Variants in AUTS2 observed in about 807,000 individuals in gnomAD.
AUTS2 encodes activator of transcription and developmental regulator AUTS2.
A neutral mutation model predicts 112.4 loss-of-function variants in AUTS2; 17 were observed. That is an observed-to-expected ratio of 0.15 (90% CI 0.10 to 0.23). AUTS2 has a LOEUF of 0.23. Ranked by LOEUF, AUTS2 falls within the 10% of genes least tolerant of loss-of-function variation. The pLI, the probability that AUTS2 is intolerant of heterozygous loss-of-function variation, is 1.00. For missense variants in AUTS2, 1,510 were observed against 1,701.6 expected (o/e 0.89, Z 1.98); for synonymous variants, 751 against 702.7 (o/e 1.07, Z -1.09).
At chr7:69,870,182 G>T (rs1287419866) in intron 1 of AUTS2, among the ~76,000 whole-genome samples, 1 of 151,762 alleles carries the variant, frequency 6.6e-6, no homozygotes, top group Non-Finnish European at 1.5e-5. Context: ...TTGATATTTG[G>T]TCCCTGCCTT....
intron 5 of AUTS2, among the ~76,000 whole-genome samples, chr7:70,695,586 GCCCCC>G (rs1285088051): frequency 2.0e-5 from 3 of 152,238 alleles, no homozygotes; most frequent in Non-Finnish European, 2.9e-5. Flanking sequence ...GCGGAGGGCG[GCCCCC>G]GGGGTCTGCG....
rs1223187796 is a variant in AUTS2 at position 69,603,687 on chromosome 7, G to A, written c.309+3725G>A. The stretch of plus-strand genomic sequence containing the variant: ...TTGAACATGGTGTTCTTTTCATTAT[G>A]CAGTTGAGAAGCAGAATTAACGTTG... On this transcript the variant is annotated intron_variant, in intron 1 of 18. Transcript: ENST00000342771. Among the ~76,000 whole-genome samples, 5 of 152,216 alleles carry A rather than the reference G, an allele frequency of 3.3e-5. No homozygotes were observed. In the South Asian group the frequency reaches 1.0e-3, roughly 31 times the overall value.
chr7:70,193,506 CGTAAA>C (rs760106166), intron 4 of AUTS2, among the ~76,000 whole-genome samples: 3 of 152,158 alleles, frequency 2.0e-5, no homozygotes, highest in Non-Finnish European at 4.4e-5. Flanking sequence ...GGTTTAGAGA[CGTAAA>C]GTAAAGTAAC....
rs575983568 is a variant in AUTS2 at position 70,792,220 on chromosome 7, C to T, written c.*1224C>T. The T allele has an allele frequency of 7.2e-5, 11 of 152,390 alleles. No individual in the cohort carries two copies. The highest frequency in any genetic ancestry group is 3.4e-3 in the Middle Eastern group (1 of 294). The allele number at this position is 152,390 out of a possible 1,614,324, so 9.4% of individuals were successfully genotyped here. A position where few individuals can be genotyped will look rare whatever the true frequency, so the allele number is the denominator to read the frequency against. On this transcript the variant is annotated 3_prime_UTR_variant, in exon 19 of 19. Transcript: ENST00000342771. Reference sequence around the variant, plus strand: ...ACAGGTCAACCTTGTGGAGCCATCGCGAGTTAGAGGGTGAAAGATGGCAGA... The same window carrying T: ...ACAGGTCAACCTTGTGGAGCCATCGTGAGTTAGAGGGTGAAAGATGGCAGA...
intron 1 of AUTS2, among the ~76,000 whole-genome samples, chr7:69,689,867 T>TC (rs1209103979): frequency 6.7e-6 from 1 of 149,196 alleles, no homozygotes; most frequent in African/African-American, 2.5e-5. Flanking sequence ...TTTTTTTTTT[T>TC]CAGTAGAGAT....
chr7:70,343,845 T>C (rs1002955788), intron 4 of AUTS2, among the ~76,000 whole-genome samples: 16 of 152,046 alleles, frequency 1.1e-4, no homozygotes, highest in African/African-American at 3.9e-4. Flanking sequence ...GGAATTGCTG[T>C]TAGGAAAGGA....
intron 4 of AUTS2, among the ~76,000 whole-genome samples, chr7:70,240,485 C>T (rs1482071906): frequency 6.6e-6 from 1 of 152,164 alleles, no homozygotes; most frequent in African/African-American, 2.4e-5. Context: ...GAATTAAATA[C>T]AGAGTGAGGC....
intron 1 of AUTS2, among the ~76,000 whole-genome samples, chr7:69,831,446 G>T (rs573521093): frequency 2.0e-5 from 3 of 152,092 alleles, no homozygotes; most frequent in African/African-American, 7.2e-5. Flanking sequence ...CTTCTCAGTG[G>T]ACTTACTGCT....
At chr7:69,963,625 C>T (rs568466674) in intron 2 of AUTS2, among the ~76,000 whole-genome samples, 12 of 152,238 alleles carry the variant, frequency 7.9e-5, no homozygotes, top group Admixed American at 3.9e-4. Flanking sequence ...TTATCAAGCT[C>T]AATTGTGAGC....
chr7:70,100,484 T>C (rs1351820182), intron 2 of AUTS2, among the ~76,000 whole-genome samples: 1 of 151,990 alleles, frequency 6.6e-6, no homozygotes, highest in Non-Finnish European at 1.5e-5. Context: ...AACATGCAAG[T>C]TTGTTACATA....
At chr7:70,451,690 C>T (rs1322152350) in intron 5 of AUTS2, among the ~76,000 whole-genome samples, 3 of 152,100 alleles carry the variant, frequency 2.0e-5, no homozygotes, top group East Asian at 1.9e-4. Context: ...AACTTTGAAA[C>T]GGGATGAACT....
intron 1 of AUTS2, among the ~76,000 whole-genome samples, chr7:69,653,575 A>T (rs537738473): frequency 4.6e-5 from 7 of 152,166 alleles, no homozygotes; most frequent in African/African-American, 1.4e-4. Context: ...ATTTTCTCTA[A>T]GTGTACTAAG....
chr7:69,975,996 A>G lies in AUTS2; in HGVS notation c.522+76498A>G, dbSNP rs959462363. 2.6e-5 allele frequency among the ~76,000 whole-genome samples: 4 copies of G among 152,148 alleles called. No individual in the cohort carries two copies. The East Asian group carries it at 7.7e-4, about 29-fold the overall frequency. ...CCCAGCTGATTTTTAAAAAAAATGC[A>G]TTTTACTCTGGTAAAGATGTATTTA... On this transcript the variant is annotated intron_variant, in intron 2 of 18. Transcript: ENST00000342771.
intron 1 of AUTS2, among the ~76,000 whole-genome samples, chr7:69,815,827 A>G (rs980612506): frequency 2.0e-5 from 3 of 152,070 alleles, no homozygotes; most frequent in Non-Finnish European, 4.4e-5. Context: ...ATGAAACTTA[A>G]CATGATGACC....
intron 6 of AUTS2, among the ~76,000 whole-genome samples, chr7:70,712,731 A>G (rs1197142489): frequency 6.6e-6 from 1 of 152,212 alleles, no homozygotes; most frequent in East Asian, 1.9e-4. Flanking sequence ...CCACAGAGTC[A>G]CTGGGTGAAA....
At chr7:70,044,549 T>G (rs1801415800) in intron 2 of AUTS2, among the ~76,000 whole-genome samples, 1 of 152,166 alleles carries the variant, frequency 6.6e-6, no homozygotes, top group Non-Finnish European at 1.5e-5. Flanking sequence ...TTCCTACTCT[T>G]AAGTGGGAGA....
chr7:70,612,792 A>AT (rs111626540), intron 5 of AUTS2, among the ~76,000 whole-genome samples: 19,473 of 150,304 alleles, frequency 0.13, 1,495 homozygotes, highest in East Asian at 0.26. Flanking sequence ...TCTTTTCTAC[A>AT]TTTTTTTTTT....
intron 4 of AUTS2, among the ~76,000 whole-genome samples, chr7:70,218,084 T>C (rs977593108): frequency 1.3e-5 from 2 of 152,240 alleles, no homozygotes; most frequent in African/African-American, 4.8e-5. Context: ...ATGCATACAC[T>C]ACTCCATGAT....
At chr7:70,476,951 A>G (rs973101101) in intron 5 of AUTS2, among the ~76,000 whole-genome samples, 1 of 152,214 alleles carries the variant, frequency 6.6e-6, no homozygotes, top group African/African-American at 2.4e-5. Context: ...AAGCAATTTA[A>G]AGTTGAAGTA....
Sources: allele counts gnomAD v4.1 joint callset (sites outside exome capture counted in the v4.1 genomes callset), GRCh38; gene constraint gnomAD v4.1.1; transcripts MANE v1.5; gene names NCBI Gene and HGNC (gene_info 2026-07-23, HGNC 2026-07-21).